Variants in OPCML observed in about 807,000 individuals in gnomAD.
OPCML encodes the protein opioid binding protein/cell adhesion molecule like.
Under a neutral mutation model 37.8 loss-of-function variants are expected in OPCML, and 13 were observed. That is an observed-to-expected ratio of 0.34 (90% confidence interval 0.22 to 0.55). The LOEUF is 0.55. Ranked by LOEUF, OPCML falls within the 20% of genes least tolerant of loss-of-function variation. The probability of loss-of-function intolerance (pLI) is 0.91; values close to 1 mark genes in which losing one functional copy is unlikely to be tolerated. For missense variants in OPCML, 341 were observed against 435.6 expected, an observed-to-expected ratio of 0.78 and a Z score of 1.93; for synonymous variants, 176 against 168.8, an observed-to-expected ratio of 1.04 and a Z score of -0.33.
chr11:132,448,590 C>T (rs2096061310), intron 4 of OPCML, among the ~76,000 whole-genome samples: 1 of 152,234 alleles, frequency 6.6e-6, no homozygotes, highest in South Asian at 2.1e-4. Context: ...TCCTCATCTG[C>T]ACCTTGTGCT....
intron 1 of OPCML, among the ~76,000 whole-genome samples, chr11:133,126,799 C>T (rs1398374299): frequency 6.6e-6 from 1 of 152,096 alleles, no homozygotes; most frequent in Non-Finnish European, 1.5e-5. Context: ...TTCCAGCTCC[C>T]TCCTGGGATT....
chr11:132,736,846 C>G (rs1012971168), intron 2 of OPCML, among the ~76,000 whole-genome samples: 1 of 152,150 alleles, frequency 6.6e-6, no homozygotes, highest in African/African-American at 2.4e-5. Flanking sequence ...CCCGGTGGAA[C>G]CACTCATGCA....
At chr11:133,007,442 CA>C in intron 1 of OPCML, 2 of 985,354 alleles carry the variant, frequency 2.0e-6, no homozygotes, top group South Asian at 4.7e-5. Context: ...TTTTTATCTC[CA>C]AAATGCACAC....
At chr11:132,453,039 T>C (rs2096072654) in intron 4 of OPCML, among the ~76,000 whole-genome samples, 1 of 152,180 alleles carries the variant, frequency 6.6e-6, no homozygotes, top group Admixed American at 6.5e-5. Flanking sequence ...CTAGAGTTGC[T>C]CAAAGTTGAA....
intron 2 of OPCML, among the ~76,000 whole-genome samples, chr11:132,887,302 A>G (rs1055129332): frequency 3.9e-5 from 6 of 152,208 alleles, no homozygotes; most frequent in Non-Finnish European, 8.8e-5. Context: ...CTAGGTTTGT[A>G]TAACTACACT....
chr11:132,761,615 G>T (rs1187985831), intron 2 of OPCML, among the ~76,000 whole-genome samples: 5 of 151,962 alleles, frequency 3.3e-5, no homozygotes, highest in African/African-American at 1.2e-4. Flanking sequence ...CGATACTTGT[G>T]TATGCTTCAC....
intron 2 of OPCML, among the ~76,000 whole-genome samples, chr11:132,899,923 C>G (rs1324153280): frequency 6.6e-6 from 1 of 152,114 alleles, no homozygotes; most frequent in Non-Finnish European, 1.5e-5. Flanking sequence ...CAGCAACCCC[C>G]ACTCCCACCC....
rs1950336280 is a variant in OPCML at position 133,174,401 on chromosome 11, A to G, written c.62-231391T>C. Reference sequence around the variant, plus strand: ...CCTGTGCCTGGTAGTGAAATAAGGCAGCTAAACCTTACCTCTGGATATAGG... The same window carrying G: ...CCTGTGCCTGGTAGTGAAATAAGGCGGCTAAACCTTACCTCTGGATATAGG... On this transcript the variant is annotated intron_variant, in intron 1 of 7. Coordinates refer to ENST00000524381, the MANE Select transcript of OPCML (RefSeq NM_001012393.5). This position sits in a 1 kb window ranked among gnomAD's most constrained non-coding sequence, Gnocchi z 4.6. 6.6e-6 allele frequency among the ~76,000 whole-genome samples: 1 copy of G among 152,158 alleles called. No individual in the cohort carries two copies. Among genetic ancestry groups the G allele is most frequent in the South Asian group, 2.1e-4 (1 of 4,830 alleles).
intron 4 of OPCML, among the ~76,000 whole-genome samples, chr11:132,450,148 T>C (rs981029369): frequency 6.6e-6 from 1 of 152,200 alleles, no homozygotes; most frequent in African/African-American, 2.4e-5. Flanking sequence ...TTGCTGGGTC[T>C]TCATGTGCTT....
intron 2 of OPCML, among the ~76,000 whole-genome samples, chr11:132,726,326 C>G (rs1463983228): frequency 6.6e-6 from 1 of 152,092 alleles, no homozygotes; most frequent in Non-Finnish European, 1.5e-5. Flanking sequence ...AAAGGGAAAG[C>G]TTGTGCAGGG....
At chr11:133,484,030 TTAGATAGATAGATAGATAGATAGATAGA>T (rs71038531) in intron 1 of OPCML, among the ~76,000 whole-genome samples, 7 of 134,816 alleles carry the variant, frequency 5.2e-5, no homozygotes, top group East Asian at 2.2e-4. Flanking sequence ...GATGGACAGA[TTAGATAGATAGATAGATAGATAGATAGA>T]TAGATAGATA....
intron 2 of OPCML, among the ~76,000 whole-genome samples, chr11:132,805,482 G>A (rs117951023): frequency 0.016 from 2,425 of 152,220 alleles, 27 homozygotes; most frequent in Middle Eastern, 0.031. Flanking sequence ...TAAATATAAA[G>A]AGAACCACAC....
At chr11:132,858,616 G>T (rs1431978410) in intron 2 of OPCML, among the ~76,000 whole-genome samples, 2 of 152,228 alleles carry the variant, frequency 1.3e-5, no homozygotes, top group African/African-American at 4.8e-5. Context: ...TTTGGCTCAG[G>T]TATCAGAAAT....
At chr11:132,616,677 A>T (rs902779909) in intron 3 of OPCML, among the ~76,000 whole-genome samples, 1 of 152,184 alleles carries the variant, frequency 6.6e-6, no homozygotes, top group African/African-American at 2.4e-5. Context: ...TCATTTGTTC[A>T]TTCACCAAAT....
chr11:132,992,678 G>A (rs1299963962), intron 1 of OPCML, among the ~76,000 whole-genome samples: 3 of 152,148 alleles, frequency 2.0e-5, no homozygotes, highest in Admixed American at 6.5e-5. Context: ...AATGAATGGG[G>A]AGCAAGGGGT....
At chr11:132,606,751 A>T (rs1180097534) in intron 3 of OPCML, among the ~76,000 whole-genome samples, 1 of 152,210 alleles carries the variant, frequency 6.6e-6, no homozygotes, top group East Asian at 1.9e-4. Context: ...AAAGAAGACA[A>T]AGATACATTA....
intron 4 of OPCML, among the ~76,000 whole-genome samples, chr11:132,517,251 G>A (rs1000068167): frequency 1.3e-5 from 2 of 152,114 alleles, no homozygotes; most frequent in African/African-American, 4.8e-5. Context: ...GTGACTTATA[G>A]GAATTTTACC....
intron 4 of OPCML, among the ~76,000 whole-genome samples, chr11:132,461,652 T>A (rs1457019887): frequency 6.6e-6 from 1 of 152,182 alleles, no homozygotes; most frequent in Non-Finnish European, 1.5e-5. Flanking sequence ...TTTTAGTCCA[T>A]TCTCATACTG....
At chr11:132,685,915 T>A (rs1210008862) in intron 2 of OPCML, among the ~76,000 whole-genome samples, 1 of 152,156 alleles carries the variant, frequency 6.6e-6, no homozygotes, top group African/African-American at 2.4e-5. Flanking sequence ...TAACTTCGGG[T>A]TTAATACAAG....
Sources: allele counts gnomAD v4.1 joint callset (sites outside exome capture counted in the v4.1 genomes callset), GRCh38; gene constraint gnomAD v4.1.1; non-coding constraint Gnocchi (gnomAD v3.1); transcripts MANE v1.5; gene names NCBI Gene and HGNC (gene_info 2026-07-23, HGNC 2026-07-21).